Variants in NFE2L3 observed in about 807,000 individuals in gnomAD.
NFE2L3 encodes NFE2 like bZIP transcription factor 3, also known as nuclear factor erythroid 2-related factor 3.
A neutral mutation model predicts 23.5 loss-of-function variants in NFE2L3; 18 were observed. The observed-to-expected ratio is 0.77, with a 90% CI of 0.53 to 1.13. NFE2L3 has a LOEUF of 1.13. Ranked by LOEUF, NFE2L3 falls within the 50% of genes most tolerant of loss-of-function variation. The probability of loss-of-function intolerance (pLI) is 0.00; values close to 1 mark genes in which losing one functional copy is unlikely to be tolerated. For missense variants in NFE2L3, 1,152 were observed against 877.2 expected (o/e 1.31, Z -3.96); for synonymous variants, 424 against 354.5 (o/e 1.20, Z -2.20).
rs765048563 is a variant in NFE2L3, at chr7:26,185,320, G to C, written c.1622G>C (p.Arg541Pro). The C allele has an allele frequency of 4.3e-6, 7 of 1,613,978 alleles. No homozygotes were observed. The African/African-American group carries it at 9.3e-5, about 22-fold the overall frequency. The change falls in exon 4 of 4, where the codon CGT (arginine) becomes CCT (proline). Residue 541 changes from arginine (R) to proline (P), a missense_variant. Transcript: ENST00000056233. Reference protein sequence around the residue: ...TDRNLSRDEQRAKALHIPFSV... With the variant: ...TDRNLSRDEQPAKALHIPFSV... ...AGAAACTTGAGCCGTGATGAACAGC[G>C]TGCTAAAGCTTTGCATATCCCTTTT...
intron 1 of NFE2L3, among the ~76,000 whole-genome samples, chr7:26,162,284 G>A (rs922649745): frequency 3.3e-5 from 5 of 151,996 alleles, no homozygotes. Context: ...GTCAAAGTGT[G>A]CACCTAAGGT....
intron 2 of NFE2L3, among the ~76,000 whole-genome samples, chr7:26,182,773 TTGGAGTAAA>T (rs1782351109): frequency 6.6e-6 from 1 of 151,918 alleles, no homozygotes; most frequent in Non-Finnish European, 1.5e-5. Flanking sequence ...AAAAAACAAA[TTGGAGTAAA>T]TGTAAATAAG....
intron 2 of NFE2L3, among the ~76,000 whole-genome samples, chr7:26,183,025 G>C (rs775922216): frequency 6.6e-6 from 1 of 152,050 alleles, no homozygotes. Context: ...GGGCTCAGGC[G>C]ATCTGCCTGC....
chr7:26,158,008 A>G (rs933529440), intron 1 of NFE2L3, among the ~76,000 whole-genome samples: 1 of 151,856 alleles, frequency 6.6e-6, no homozygotes, highest in Non-Finnish European at 1.5e-5. Flanking sequence ...GCATGTCTGT[A>G]TCCAAATTTC....
At chr7:26,184,075 G>A in intron 3 of NFE2L3, 1 of 430,732 alleles carries the variant, frequency 2.3e-6, no homozygotes. Context: ...GTATCAAAGG[G>A]ACACCTGCAC....
chr7:26,161,234 A>G (rs1245834602), intron 1 of NFE2L3, among the ~76,000 whole-genome samples: 1 of 151,722 alleles, frequency 6.6e-6, no homozygotes, highest in African/African-American at 2.4e-5. Context: ...CTGTTATGTG[A>G]AAGAGGCCTT....
chr7:26,154,816 C>T (rs1434341945), intron 1 of NFE2L3, among the ~76,000 whole-genome samples: 2 of 152,244 alleles, frequency 1.3e-5, no homozygotes, highest in Admixed American at 1.3e-4. Flanking sequence ...GCTGGGTTTA[C>T]AGGCATGAGC....
chr7:26,185,303 G>C lies in NFE2L3; in HGVS notation c.1605G>C (p.Leu535Phe), dbSNP rs148491307. The C allele has an allele frequency of 6.2e-7, 1 of 1,614,104 alleles. No individual in the cohort carries two copies. The change falls in exon 4 of 4, where the codon TTG becomes TTC. Residue 535 changes from leucine to phenylalanine, a missense_variant. Physicochemically the swap from Leu to Phe is conservative, Grantham distance 22. Transcript: ENST00000056233. Reference protein sequence around the residue: ...SRYLEDTDRNLSRDEQRAKAL... With the variant: ...SRYLEDTDRNFSRDEQRAKAL... ...ACCTTGAAGACACAGATAGAAACTT[G>C]AGCCGTGATGAACAGCGTGCTAAAG...
intron 1 of NFE2L3, among the ~76,000 whole-genome samples, chr7:26,161,002 A>G (rs925097879): frequency 1.3e-5 from 2 of 152,220 alleles, no homozygotes; most frequent in Non-Finnish European, 2.9e-5. Context: ...TCAACAGATG[A>G]TTCGCTTTTA....
chr7:26,153,386 TC>T (rs1456601971), intron 1 of NFE2L3, among the ~76,000 whole-genome samples: 1 of 152,164 alleles, frequency 6.6e-6, no homozygotes, highest in Non-Finnish European at 1.5e-5. Flanking sequence ...CTGTCTTCGC[TC>T]AGTACCTCAT....
At position 26,184,550 on chromosome 7, in the gene NFE2L3, T is replaced by TGAA. The variant is rs1782430038; in HGVS notation, c.852_853insGAA (p.Asp284_Ile285insGlu). 6.2e-7 allele frequency: 1 copy of TGAA among 1,611,676 alleles called. No homozygotes were observed. Among genetic ancestry groups the TGAA allele is most frequent in the South Asian group, 1.1e-5 (1 of 90,808 alleles). On this transcript the variant is annotated inframe_insertion, in exon 4 of 4. Coordinates refer to ENST00000056233, the MANE Select transcript of NFE2L3 (RefSeq NM_004289.7). ...TTTTTCAGGGCATCTCATTGGGAGA[T>TGAA]ATTCCTCTTCCAGGCAGTATCAGTG...
At chr7:26,181,323 GGCTATTACTTAGTAGGT>G (rs1366855595) in intron 2 of NFE2L3, among the ~76,000 whole-genome samples, 1 of 152,042 alleles carries the variant, frequency 6.6e-6, no homozygotes, top group African/African-American at 2.4e-5. Flanking sequence ...TCTTTTATTG[GGCTATTACTTAGTAGGT>G]GCTTTTAAAG....
At position 26,184,815 on chromosome 7, in the gene NFE2L3, A is replaced by C. The variant is rs775476892; in HGVS notation, c.1117A>C (p.Arg373=). The change falls in exon 4 of 4, where the codon AGG becomes CGG. Residue 373 remains arginine (R), a synonymous_variant. Coordinates refer to ENST00000056233, the MANE Select transcript of NFE2L3 (RefSeq NM_004289.7). ...GFLSPVDNHM[R]NLTSQDLLYD... ...TCTTTCACCGGTTGACAATCATATG[A>C]GGAATCTAACAAGCCAAGACCTACT... is the stretch of plus-strand genomic sequence containing the variant. 1 of 1,613,938 alleles carries C rather than the reference A, an allele frequency of 6.2e-7. No homozygotes were observed. The highest frequency in any genetic ancestry group is 8.5e-7 in the Non-Finnish European group (1 of 1,179,810).
At chr7:26,177,189 G>T (rs1784428249) in intron 1 of NFE2L3, among the ~76,000 whole-genome samples, 1 of 152,244 alleles carries the variant, frequency 6.6e-6, no homozygotes, top group Non-Finnish European at 1.5e-5. Flanking sequence ...TCACTTCCTA[G>T]ACAGGGTGGC....
chr7:26,180,010 G>T (rs1784478244), intron 2 of NFE2L3, among the ~76,000 whole-genome samples: 1 of 152,092 alleles, frequency 6.6e-6, no homozygotes, highest in Non-Finnish European at 1.5e-5. Context: ...ATGTTCCGTG[G>T]TATACATGCA....
At chr7:26,159,949 C>CTTTTTTTT (rs59484170) in intron 1 of NFE2L3, among the ~76,000 whole-genome samples, 4 of 118,476 alleles carry the variant, frequency 3.4e-5, no homozygotes, top group Non-Finnish European at 5.3e-5. Context: ...AATCTTGTTG[C>CTTTTTTTT]TTTTTTTTTT....
chr7:26,153,105 C>T, intron 1 of NFE2L3, 37 bp downstream of exon 1: 2 of 1,495,916 alleles, frequency 1.3e-6, no homozygotes. Flanking sequence ...AGTGCGGCGT[C>T]TACGCCGCCG....
intron 1 of NFE2L3, among the ~76,000 whole-genome samples, chr7:26,161,307 G>A (rs142700459): frequency 1.5e-4 from 22 of 148,934 alleles, no homozygotes; most frequent in African/African-American, 5.4e-4. Flanking sequence ...TCAACCGCAG[G>A]AAGAACTTAA....
intron 1 of NFE2L3, among the ~76,000 whole-genome samples, chr7:26,157,004 C>G (rs746430888): frequency 1.3e-5 from 2 of 151,966 alleles, no homozygotes; most frequent in Admixed American, 6.6e-5. Context: ...CCCAGCTACT[C>G]GGGAGCCTGA....
Sources: gnomAD v4.1 joint callset for allele counts (sites outside exome capture counted in the v4.1 genomes callset) on GRCh38, gnomAD v4.1.1 for gene constraint, MANE v1.5 for transcripts, NCBI Gene and HGNC (gene_info 2026-07-23, HGNC 2026-07-21) for gene names.